ZMPSTE24: variants seen among roughly 807,000 people sequenced by gnomAD.
ZMPSTE24 encodes the protein zinc metallopeptidase STE24.
A neutral mutation model predicts 56.7 loss-of-function variants in ZMPSTE24; 48 were observed. That is an observed-to-expected ratio of 0.85 (90% CI 0.67 to 1.08). The LOEUF is 1.08. Ranked by LOEUF, ZMPSTE24 falls within the 50% of genes least tolerant of loss-of-function variation. The pLI is 0.00. For synonymous variants in ZMPSTE24, 172 were observed against 195.2 expected, an observed-to-expected ratio of 0.88 and a Z score of 0.99; for missense variants, 503 against 548.7, an observed-to-expected ratio of 0.92 and a Z score of 0.83.
chr1:40,273,804 C>T (rs1040331962), intron 6 of ZMPSTE24, among the ~76,000 whole-genome samples: 3 of 151,364 alleles, frequency 2.0e-5, no homozygotes, highest in African/African-American at 7.3e-5. Flanking sequence ...AGTTGCTGAT[C>T]CCTTAAGTTA....
chr1:40,281,344 A>T lies in ZMPSTE24; in HGVS notation c.771A>T (p.Gly257=). The T allele has an allele frequency of 6.2e-7, 1 of 1,613,810 alleles. No individual in the cohort carries two copies. The highest frequency in any genetic ancestry group is 2.2e-5 in the East Asian group (1 of 44,848). ...TGCTTTGAACTGTCTTTTCCTTAGG[A>T]TCTAAACGCTCTTCCCACAGCAATG... is the stretch of plus-strand genomic sequence containing the variant. ...FPLTKVYVVE[G]SKRSSHSNAY... is the part of the protein sequence containing the mutation. Residue 257 remains glycine, a splice_region_variant and synonymous_variant, in exon 7 of 10, where the codon GGA becomes GGT. Transcript: ENST00000372759.
intron 6 of ZMPSTE24, among the ~76,000 whole-genome samples, chr1:40,275,208 T>G (rs1569639541): frequency 7.3e-6 from 1 of 137,296 alleles, no homozygotes; most frequent in Admixed American, 8.2e-5. Flanking sequence ...TCACTTGAGG[T>G]CAGAAATTCG....
chr1:40,273,538 ATATATATATATATATATATAT>A (rs1377865519), intron 6 of ZMPSTE24, among the ~76,000 whole-genome samples: 1 of 17,362 alleles, frequency 5.8e-5, no homozygotes, highest in Non-Finnish European at 1.3e-4. Context: ...AAAAAAAAAA[ATATATATATATATATATATAT>A]ATATATATAT....
In ZMPSTE24 at chr1:40,260,888, T is replaced by C. The variant is rs527591303; in HGVS notation, c.173T>C (p.Ile58Thr). 28 of 1,614,046 alleles carry C rather than the reference T, an allele frequency of 1.7e-5. No homozygotes were observed. Among genetic ancestry groups the C allele is most frequent in the Non-Finnish European group, 2.3e-5 (27 of 1,180,014 alleles). The change falls in exon 2 of 10, where the codon ATC becomes ACC. Residue 58 changes from isoleucine (I) to threonine (T), a missense_variant. By Grantham distance (89) the Ile-to-Thr change is moderately conservative. Coordinates refer to ENST00000372759, the MANE Select transcript of ZMPSTE24 (RefSeq NM_005857.5). ...CATGTACCACCGGAGTTAGGACAGA[T>C]CATGGATTCTGAAACATTTGAGAAA... ...TTHVPPELGQ[I>T]MDSETFEKSR...
chr1:40,279,191 A>G (rs756798439), intron 6 of ZMPSTE24, among the ~76,000 whole-genome samples: 1 of 152,222 alleles, frequency 6.6e-6, no homozygotes, highest in Non-Finnish European at 1.5e-5. Flanking sequence ...TGCTTTAATT[A>G]TAGAAGTAGG....
intron 7 of ZMPSTE24, among the ~76,000 whole-genome samples, chr1:40,284,027 C>G (rs1261108159): frequency 6.6e-6 from 1 of 151,222 alleles, no homozygotes; most frequent in African/African-American, 2.4e-5. Context: ...CAACCTCCTC[C>G]CGGGTTCAAG....
At chr1:40,267,983 T>A in intron 3 of ZMPSTE24, 111 bp downstream of exon 3, 1 of 921,172 alleles carries the variant, frequency 1.1e-6, no homozygotes. Context: ...CCTCTCTGTT[T>A]GCATAGTCCT....
chr1:40,280,836 T>A (rs183175555), intron 6 of ZMPSTE24, among the ~76,000 whole-genome samples: 1 of 152,374 alleles, frequency 6.6e-6, no homozygotes, highest in Admixed American at 6.5e-5. Flanking sequence ...ATTAAAATGA[T>A]GTATAACATA....
At chr1:40,268,186 T>A (rs1390285100) in intron 3 of ZMPSTE24, among the ~76,000 whole-genome samples, 3 of 152,256 alleles carry the variant, frequency 2.0e-5, no homozygotes, top group African/African-American at 7.2e-5. Context: ...TCTGTATGAT[T>A]TAAGGTACCT....
At chr1:40,271,086 T>G (rs1188406643) in intron 5 of ZMPSTE24, among the ~76,000 whole-genome samples, 2 of 152,258 alleles carry the variant, frequency 1.3e-5, no homozygotes, top group Non-Finnish European at 2.9e-5. Context: ...AGGGCCTCCC[T>G]GTGTTGCCCA....
chr1:40,281,616 A>AGT, intron 7 of ZMPSTE24, 89 bp downstream of exon 7: 1 of 1,365,664 alleles, frequency 7.3e-7, no homozygotes, highest in Non-Finnish European at 1.0e-6. Context: ...CTAGGCAGTG[A>AGT]GTGTTGAATT....
chr1:40,291,090 C>T, intron 9 of ZMPSTE24, 93 bp downstream of exon 9: 7 of 1,482,816 alleles, frequency 4.7e-6, no homozygotes, highest in Non-Finnish European at 6.4e-6. Flanking sequence ...TAGAACAGTA[C>T]AGTTTTAACA....
At position 40,273,660 on chromosome 1, in the gene ZMPSTE24, G is replaced by A. The variant is rs561833996; in HGVS notation, c.769+1625G>A. Among the ~76,000 whole-genome samples the A allele has an allele frequency of 2.4e-4, 35 of 143,528 alleles. No homozygotes were observed. In the South Asian group the frequency reaches 7.3e-3, roughly 30 times the overall value. The allele number at this position is 143,528 out of a possible 152,430, so 94.2% of individuals were successfully genotyped here. ...AGTCTGTGGAGAAATGGTAGAATAA[G>A]CCAGTTCATACTTACTTCTTTAGCC... On this transcript the variant is annotated intron_variant, in intron 6 of 9. Transcript: ENST00000372759.
intron 5 of ZMPSTE24, 56 bp from the exon 6 acceptor site, chr1:40,271,838 A>G: frequency 6.3e-7 from 1 of 1,584,970 alleles, no homozygotes; most frequent in Non-Finnish European, 8.6e-7. Context: ...TGTATAATAA[A>G]GAATGTTTTT....
intron 2 of ZMPSTE24, among the ~76,000 whole-genome samples, chr1:40,264,752 C>T (rs993714023): frequency 6.6e-6 from 1 of 151,198 alleles, no homozygotes; most frequent in African/African-American, 2.4e-5. Flanking sequence ...TGGTGATGTG[C>T]ACCTGCAGTT....
intron 2 of ZMPSTE24, among the ~76,000 whole-genome samples, chr1:40,266,692 A>G (rs1275953544): frequency 6.6e-6 from 1 of 150,920 alleles, no homozygotes; most frequent in Non-Finnish European, 1.5e-5. Context: ...AGAAAAGACA[A>G]TTATGGAGCC....
At chr1:40,275,025 T>C (rs536706797) in intron 6 of ZMPSTE24, among the ~76,000 whole-genome samples, 56 of 152,148 alleles carry the variant, frequency 3.7e-4, no homozygotes, top group Admixed American at 9.8e-4. Context: ...AGACTTCTAA[T>C]GGCTATATTA....
intron 7 of ZMPSTE24, among the ~76,000 whole-genome samples, chr1:40,285,234 G>A (rs186328142): frequency 3.9e-5 from 6 of 152,100 alleles, no homozygotes; most frequent in African/African-American, 1.4e-4. Flanking sequence ...AGCCTCCAGA[G>A]CAGCTGCAAT....
intron 2 of ZMPSTE24, among the ~76,000 whole-genome samples, chr1:40,267,335 ATTTTATTTT>A (rs1643560352): frequency 1.6e-5 from 1 of 64,402 alleles, no homozygotes; most frequent in African/African-American, 7.9e-5. Flanking sequence ...TTATTTTGTT[ATTTTATTTT>A]ATTTTATTTT....
Sources: gnomAD v4.1 joint callset for allele counts (sites outside exome capture counted in the v4.1 genomes callset) on GRCh38, gnomAD v4.1.1 for gene constraint, MANE v1.5 for transcripts, NCBI Gene and HGNC (gene_info 2026-07-23, HGNC 2026-07-21) for gene names.